The following NBAS variants were observed in gnomAD, a reference collection of about 807,000 sequenced individuals.
NBAS encodes the protein NBAS subunit of NRZ tethering complex.
NBAS carries 219 observed loss-of-function variants against 302.5 expected under a neutral mutation model. The observed-to-expected ratio is 0.72, with a 90% CI of 0.65 to 0.81. The LOEUF is 0.81. Ranked by LOEUF, NBAS falls within the 30% of genes least tolerant of loss-of-function variation. NBAS has a pLI of 0.00. For missense variants in NBAS, 2,932 were observed against 2,841.6 expected, an observed-to-expected ratio of 1.03 and a Z score of -0.72; for synonymous variants, 1,118 against 1,021.6, an observed-to-expected ratio of 1.09 and a Z score of -1.80.
intron 38 of NBAS, among the ~76,000 whole-genome samples, chr2:15,320,656 A>G (rs1360200902): frequency 2.0e-5 from 3 of 152,216 alleles, no homozygotes; most frequent in Non-Finnish European, 2.9e-5. Flanking sequence ...CAATTGCTAC[A>G]AAGAAAATAA....
the NBAS span, among the ~76,000 whole-genome samples, chr2:15,093,647 T>C: frequency 3.9e-5 from 6 of 152,216 alleles, no homozygotes; most frequent in African/African-American, 1.4e-4. Flanking sequence ...TTTATCAGTG[T>C]TATTTACACA....
At position 15,417,559 on chromosome 2, in the gene NBAS, C is replaced by A. The variant is rs1219296948; in HGVS notation, c.2731G>T (p.Asp911Tyr). The change falls in exon 24 of 52, where the codon GAC becomes TAC. Residue 911 changes from aspartate (D) to tyrosine (Y), a missense_variant. Transcript: ENST00000281513. ...ATCAGTAATCTTAGTTTTTCAATGT[C>A]TTTCATCTGCTGGAGTTCTTTCAGG... ...LTLKELQQMK[D>Y]IEKLRLLMNS... is the part of the protein sequence containing the mutation. 1 of 1,613,834 alleles carries A rather than the reference C, an allele frequency of 6.2e-7. No homozygotes were observed. The highest frequency in any genetic ancestry group is 1.7e-5 in the Admixed American group (1 of 60,000).
At chr2:15,393,580 G>A (rs1675711898) in intron 28 of NBAS, 2 of 414,790 alleles carry the variant, frequency 4.8e-6, no homozygotes, top group Non-Finnish European at 9.9e-6. Context: ...AAATGATCCT[G>A]CCATTTCATC....
At chr2:15,474,387 A>G in intron 14 of NBAS, 63 bp from the exon 15 acceptor site, 7 of 1,423,562 alleles carry the variant, frequency 4.9e-6, no homozygotes, top group Non-Finnish European at 5.7e-6. Context: ...TTTAGAATTA[A>G]TGAAAGAAAA....
intron 44 of NBAS, among the ~76,000 whole-genome samples, chr2:15,267,714 A>G (rs1669142426): frequency 6.6e-6 from 1 of 152,198 alleles, no homozygotes. Context: ...TTTAATATAA[A>G]TATATAAACC....
intron 41 of NBAS, among the ~76,000 whole-genome samples, chr2:15,288,115 C>T (rs1473256647): frequency 6.6e-6 from 1 of 152,230 alleles, no homozygotes; most frequent in Non-Finnish European, 1.5e-5. Context: ...CCAGAGCCTA[C>T]AATCAAAAGA....
At chr2:15,117,385 G>A in the NBAS span, among the ~76,000 whole-genome samples, 11 of 152,156 alleles carry the variant, frequency 7.2e-5, no homozygotes, top group African/African-American at 2.2e-4. Context: ...CTGCTCACCT[G>A]TGGCTTAGCT....
At chr2:15,288,645 A>G (rs1162833965) in intron 41 of NBAS, among the ~76,000 whole-genome samples, 4 of 152,242 alleles carry the variant, frequency 2.6e-5, no homozygotes, top group Admixed American at 6.5e-5. Flanking sequence ...CACCCACATT[A>G]TAAGGCCATT....
chr2:15,541,810 GT>G (rs74186280), intron 6 of NBAS, among the ~76,000 whole-genome samples: 10,147 of 42,820 alleles, frequency 0.24, 770 homozygotes, highest in Non-Finnish European at 0.29. Context: ...AGGTGGGGGG[GT>G]TCAGCCCCCC....
the NBAS span, among the ~76,000 whole-genome samples, chr2:15,083,273 A>G: frequency 3.3e-5 from 5 of 152,196 alleles, no homozygotes; most frequent in African/African-American, 1.2e-4. Flanking sequence ...CCTGAACTAA[A>G]TCATCTGCCC....
intron 21 of NBAS, among the ~76,000 whole-genome samples, chr2:15,457,031 A>G (rs143728837): frequency 6.6e-6 from 1 of 152,338 alleles, no homozygotes; most frequent in Non-Finnish European, 1.5e-5. Context: ...ACCCAGTCAC[A>G]GGATGACATG....
intron 48 of NBAS, among the ~76,000 whole-genome samples, chr2:15,204,680 T>TA (rs1485997905): frequency 6.6e-6 from 1 of 151,988 alleles, no homozygotes; most frequent in Admixed American, 6.5e-5. Flanking sequence ...TATACAGCCA[T>TA]AAAAAAGGAT....
At chr2:15,127,318 T>G in the NBAS span, among the ~76,000 whole-genome samples, 6 of 152,202 alleles carry the variant, frequency 3.9e-5, no homozygotes, top group Non-Finnish European at 8.8e-5. Flanking sequence ...TGTATAATAA[T>G]TTTCCACCCC....
intron 16 of NBAS, among the ~76,000 whole-genome samples, chr2:15,469,372 A>C (rs1679858681): frequency 6.6e-6 from 1 of 152,140 alleles, no homozygotes; most frequent in Non-Finnish European, 1.5e-5. Context: ...CACTGCTTTA[A>C]ATGTGTCCCA....
chr2:15,120,960 A>G, the NBAS span, among the ~76,000 whole-genome samples: 6 of 152,180 alleles, frequency 3.9e-5, no homozygotes, highest in Admixed American at 2.0e-4. Context: ...TCACTCTCTG[A>G]TGACCTATTC....
the NBAS span, among the ~76,000 whole-genome samples, chr2:15,085,884 T>G: frequency 5.3e-5 from 8 of 151,050 alleles, no homozygotes; most frequent in African/African-American, 1.5e-4. Flanking sequence ...TGGGGGAGGG[T>G]GAGGGGGTAA....
intron 35 of NBAS, among the ~76,000 whole-genome samples, chr2:15,341,710 C>A (rs2148269761): frequency 6.6e-6 from 1 of 152,114 alleles, no homozygotes; most frequent in East Asian, 1.9e-4. Context: ...CTAGTATAAA[C>A]CTTTGTGAAG....
the NBAS span, among the ~76,000 whole-genome samples, chr2:14,980,748 G>T: frequency 6.6e-6 from 1 of 152,262 alleles, no homozygotes; most frequent in East Asian, 1.9e-4. Flanking sequence ...AACTCTGGAA[G>T]ATATAAAAGA....
chr2:14,956,604 C>T, the NBAS span, among the ~76,000 whole-genome samples: 1 of 152,158 alleles, frequency 6.6e-6, no homozygotes, highest in Non-Finnish European at 1.5e-5. Context: ...AAGAAACTTA[C>T]AATCATGGCA....
Sources: gnomAD v4.1 joint callset for allele counts (sites outside exome capture counted in the v4.1 genomes callset) on GRCh38, gnomAD v4.1.1 for gene constraint, MANE v1.5 for transcripts, NCBI Gene and HGNC (gene_info 2026-07-23, HGNC 2026-07-21) for gene names.